The following CLHC1 variants were observed in gnomAD, a reference collection of about 807,000 sequenced individuals.
CLHC1 encodes the protein clathrin heavy chain linker domain containing 1, also known as clathrin heavy chain linker domain-containing protein 1.
A neutral mutation model predicts 69.5 loss-of-function variants in CLHC1; 72 were observed. That is an observed-to-expected ratio of 1.04 (90% CI 0.86 to 1.26). CLHC1 has a LOEUF of 1.26. Among genes scored for constraint, CLHC1 ranks in the 50% most tolerant of loss-of-function variants. The pLI is 0.00. For synonymous variants in CLHC1, 223 were observed against 224.3 expected, an observed-to-expected ratio of 0.99 and a Z score of 0.05; for missense variants, 790 against 679.3, an observed-to-expected ratio of 1.16 and a Z score of -1.81.
chr2:55,208,903 C>A (rs1407000755), intron 7 of CLHC1, among the ~76,000 whole-genome samples, 193 bp from the exon 8 acceptor site: 1 of 136,538 alleles, frequency 7.3e-6, no homozygotes, highest in Non-Finnish European at 1.5e-5. Flanking sequence ...CGGAGTCTGG[C>A]TCTGTCACCC....
At position 55,177,611 on chromosome 2, in the gene CLHC1, C is replaced by A. The variant is rs770677081; in HGVS notation, c.1555G>T (p.Gly519Cys). 2.5e-6 allele frequency: 4 copies of A among 1,602,268 alleles called. No individual in the cohort carries two copies. The highest frequency in any genetic ancestry group is 2.2e-5 in the East Asian group (1 of 44,724). Residue 519 changes from glycine to cysteine, a missense_variant, in exon 12 of 13, where the codon GGT becomes TGT. By Grantham distance (159) the Gly-to-Cys change is radical. Transcript: ENST00000401408. Reference sequence around the variant, plus strand: ...ATTTTATTCTACTTACCTATCCCACCTTTATTGATTTCTTGAAGTAGCTTA... The same window carrying A: ...ATTTTATTCTACTTACCTATCCCACATTTATTGATTTCTTGAAGTAGCTTA... The part of the protein sequence containing the change: ...GIKLLQEINK[G>C]GIDAVESLMI...
chr2:55,182,928 C>T (rs1344359739), intron 9 of CLHC1, among the ~76,000 whole-genome samples: 2 of 152,062 alleles, frequency 1.3e-5, no homozygotes, highest in Admixed American at 6.5e-5. Context: ...ATAAAAGGCA[C>T]AATGGAAAGT....
Position 55,217,859 on chromosome 2 carries a change from G to C in CLHC1, c.317C>G (p.Pro106Arg). ...TTTCCTGTAATATACCAAAGCTGTA[G>C]GCTCTGCTGCCAAACCTTTAAGTTT... is the stretch of plus-strand genomic sequence containing the variant. ...HGKLKGLAAEPTALVYYRKRT... is the reference protein window; with the variant it reads ...HGKLKGLAAERTALVYYRKRT... Residue 106 changes from proline (P) to arginine (R), a missense_variant, in exon 4 of 13, where the codon CCT becomes CGT. Physicochemically the swap from Pro to Arg is moderately radical, Grantham distance 103. Coordinates refer to ENST00000401408, the MANE Select transcript of CLHC1 (RefSeq NM_152385.4). The C allele has an allele frequency of 6.2e-7, 1 of 1,605,050 alleles. No individual in the cohort carries two copies. Among genetic ancestry groups the C allele is most frequent in the South Asian group, 1.1e-5 (1 of 89,182 alleles).
chr2:55,228,638 C>T (rs984919215), intron 1 of CLHC1, among the ~76,000 whole-genome samples: 1 of 152,156 alleles, frequency 6.6e-6, no homozygotes, highest in Admixed American at 6.5e-5. Flanking sequence ...AGGGGCATCT[C>T]ATCAGCCTAC....
At chr2:55,216,548 T>C (rs1313707545) in intron 4 of CLHC1, among the ~76,000 whole-genome samples, 1 of 152,014 alleles carries the variant, frequency 6.6e-6, no homozygotes, top group Non-Finnish European at 1.5e-5. Flanking sequence ...TCCTTTTTTT[T>C]TTCTTGAGAT....
chr2:55,180,841 T>C, intron 10 of CLHC1, 129 bp from the exon 11 acceptor site: 1 of 645,662 alleles, frequency 1.5e-6, no homozygotes, highest in South Asian at 1.9e-5. Flanking sequence ...AGTTACAATT[T>C]AATAGGCAAT....
chr2:55,207,756 G>A (rs1444126640), intron 8 of CLHC1, among the ~76,000 whole-genome samples: 1 of 152,102 alleles, frequency 6.6e-6, no homozygotes, highest in African/African-American at 2.4e-5. Context: ...GAAGATAGCA[G>A]GAATGATACA....
At chr2:55,223,154 C>T (rs1226441088) in intron 2 of CLHC1, among the ~76,000 whole-genome samples, 3 of 152,042 alleles carry the variant, frequency 2.0e-5, no homozygotes, top group Non-Finnish European at 4.4e-5. Context: ...TTGTAAGCCT[C>T]TTGACACAAA....
intron 9 of CLHC1, among the ~76,000 whole-genome samples, chr2:55,183,785 T>G (rs1670142302): frequency 6.6e-6 from 1 of 152,164 alleles, no homozygotes; most frequent in Non-Finnish European, 1.5e-5. Flanking sequence ...TTTTCTTTTC[T>G]TTATTTCTTT....
chr2:55,193,384 G>A (rs1671111607), intron 9 of CLHC1, among the ~76,000 whole-genome samples: 1 of 151,772 alleles, frequency 6.6e-6, no homozygotes, highest in Non-Finnish European at 1.5e-5. Flanking sequence ...AAAAATATTT[G>A]CAAATCAAGT....
chr2:55,181,579 G>A lies in CLHC1; in HGVS notation c.1172C>T (p.Thr391Ile). ...GCTTAACTTTGCTTACCTTTCCTGTGTAACCCAATTGGTAACTAAATCTAA... is the reference window on the plus strand; with the variant it reads ...GCTTAACTTTGCTTACCTTTCCTGTATAACCCAATTGGTAACTAAATCTAA... ...KRLDLVTNWVTQERLTFSEEA... is the reference protein window; with the variant it reads ...KRLDLVTNWVIQERLTFSEEA... The change falls in exon 10 of 13, where the codon ACA becomes ATA. Residue 391 changes from threonine (T) to isoleucine (I), a missense_variant. Physicochemically the swap from Thr to Ile is moderately conservative, Grantham distance 89. Transcript: ENST00000401408. 6.2e-7 allele frequency: 1 copy of A among 1,605,438 alleles called. No individual in the cohort carries two copies. The highest frequency in any genetic ancestry group is 8.5e-7 in the Non-Finnish European group (1 of 1,177,492).
chr2:55,210,788 T>C (rs1672919791), intron 5 of CLHC1, among the ~76,000 whole-genome samples: 1 of 152,304 alleles, frequency 6.6e-6, no homozygotes, highest in East Asian at 1.9e-4. Context: ...GTCCTCTCTC[T>C]CACTCTCCCG....
chr2:55,230,538 A>G (rs1177560510), intron 1 of CLHC1, among the ~76,000 whole-genome samples: 3 of 152,194 alleles, frequency 2.0e-5, no homozygotes, highest in Non-Finnish European at 4.4e-5. Flanking sequence ...AAGTTATTAA[A>G]CAAAAATGAG....
Position 55,173,866 on chromosome 2 carries a change from T to C in CLHC1, c.*1924A>G, listed in dbSNP as rs866583170. ...TGAGAAAAGGAAAAACAAGGCAAAA[T>C]TAGAATAACAACAACAACCGCTGTT... On this transcript the variant is annotated 3_prime_UTR_variant, in exon 13 of 13. Transcript: ENST00000401408. Among the ~76,000 whole-genome samples, 2 of 152,118 alleles carry C rather than the reference T, an allele frequency of 1.3e-5. No homozygotes were observed. Among genetic ancestry groups the C allele is most frequent in the Non-Finnish European group, 2.9e-5 (2 of 67,992 alleles).
chr2:55,219,212 C>A (rs1178824586), intron 3 of CLHC1, among the ~76,000 whole-genome samples: 4 of 152,266 alleles, frequency 2.6e-5, no homozygotes, highest in African/African-American at 9.6e-5. Flanking sequence ...CAATCCAAGA[C>A]AACTCAGATA....
intron 9 of CLHC1, among the ~76,000 whole-genome samples, chr2:55,190,205 C>T (rs1040220638): frequency 2.0e-4 from 29 of 141,866 alleles, no homozygotes; most frequent in South Asian, 6.7e-4. Flanking sequence ...CCACCACACC[C>T]GGCTAATTTT....
intron 9 of CLHC1, among the ~76,000 whole-genome samples, chr2:55,191,191 C>T (rs1242111554): frequency 6.6e-6 from 1 of 152,110 alleles, no homozygotes; most frequent in Non-Finnish European, 1.5e-5. Context: ...CAGATCTGCA[C>T]TAAAAGATTA....
At position 55,217,813 on chromosome 2, in the gene CLHC1, T is replaced by C. The variant is rs1251305411; in HGVS notation, c.363A>G (p.Ala121=). ...YYRKRTIQLE[A]KMRIIESNSS... ...GGGCTAGTTACTAAAATACTTACTT[T>C]GCTTCAAGTTGGATTGTTCTTTTCC... Residue 121 remains alanine, a splice_region_variant and synonymous_variant, in exon 4 of 13, where the codon GCA becomes GCG. Transcript: ENST00000401408. 1 of 1,521,968 alleles carries C rather than the reference T, an allele frequency of 6.6e-7. No individual in the cohort carries two copies. The highest frequency in any genetic ancestry group is 8.8e-7 in the Non-Finnish European group (1 of 1,136,810). The allele number at this position is 1,521,968 out of a possible 1,614,324, so 94.3% of individuals were successfully genotyped here.
chr2:55,181,701 A>C lies in CLHC1; in HGVS notation c.1050T>G (p.Phe350Leu), dbSNP rs1669955669. Residue 350 changes from phenylalanine to leucine, a missense_variant, in exon 10 of 13, where the codon TTT (phenylalanine) becomes TTG (leucine). Transcript: ENST00000401408. Reference sequence around the variant, plus strand: ...GACTTGTGATAAAGAGGGCCTCAAAAAATAAGAGTAATGGAAGAGGCTTTC... The same window carrying C: ...GACTTGTGATAAAGAGGGCCTCAAACAATAAGAGTAATGGAAGAGGCTTTC... ...IRGKPLPLLL[F>L]FEALFITSHA... 6.2e-7 allele frequency: 1 copy of C among 1,613,824 alleles called. No individual in the cohort carries two copies. Among genetic ancestry groups the C allele is most frequent in the Non-Finnish European group, 8.5e-7 (1 of 1,179,934 alleles).
Sources: allele counts gnomAD v4.1 joint callset (sites outside exome capture counted in the v4.1 genomes callset), GRCh38; gene constraint gnomAD v4.1.1; transcripts MANE v1.5; gene names NCBI Gene and HGNC (gene_info 2026-07-23, HGNC 2026-07-21).